UBE3D: variants seen among roughly 807,000 people sequenced by gnomAD.
UBE3D encodes the protein ubiquitin protein ligase E3D.
A neutral mutation model predicts 49.6 loss-of-function variants in UBE3D; 48 were observed. The observed-to-expected ratio is 0.97, with a 90% CI of 0.77 to 1.23. The LOEUF (loss-of-function observed/expected upper bound fraction) is 1.23, where lower values mean the gene tolerates loss of function less well. UBE3D is among the 50% of genes most tolerant of loss of function. The pLI is 0.00. For missense variants in UBE3D, 452 were observed against 468.4 expected (o/e 0.96, Z 0.32); for synonymous variants, 189 against 174.2 (o/e 1.08, Z -0.67).
rs966962155 is a variant in UBE3D, at chr6:83,065,827, G to T, written c.-109C>A. 2.6e-6 allele frequency: 3 copies of T among 1,159,490 alleles called. No individual in the cohort carries two copies. Among genetic ancestry groups the T allele is most frequent in the African/African-American group, 3.1e-5 (2 of 64,684 alleles). 71.8% of individuals were successfully genotyped at this position (1,159,490 alleles called of 1,614,324 possible). On this transcript the variant is annotated 5_prime_UTR_variant, in exon 1 of 10. Coordinates refer to ENST00000369747, the MANE Select transcript of UBE3D (RefSeq NM_198920.3). ...GACCAACCAGCGGCAGCCCCGCTGC[G>T]GCGCAGGCGCCTGTGCCAGATCGCA...
intron 9 of UBE3D, among the ~76,000 whole-genome samples, chr6:82,922,250 T>C (rs568482578): frequency 6.6e-6 from 1 of 152,132 alleles, no homozygotes; most frequent in Non-Finnish European, 1.5e-5. Context: ...TTTAAAGACA[T>C]CGAATCAGCA....
chr6:83,065,594 G>A (rs1355019373), intron 1 of UBE3D, 48 bp downstream of exon 1: 1 of 1,583,736 alleles, frequency 6.3e-7, no homozygotes, highest in Non-Finnish European at 8.7e-7. Context: ...CGACCCCCGG[G>A]CAGCAGTAAA....
downstream of UBE3D, among the ~76,000 whole-genome samples, chr6:82,887,618 A>G (rs569289516): frequency 2.6e-5 from 4 of 151,730 alleles, no homozygotes; most frequent in Non-Finnish European, 5.9e-5. Flanking sequence ...CTGAGGCAAG[A>G]GAATCACTTG....
chr6:83,053,165 T>C (rs112545908), intron 3 of UBE3D, among the ~76,000 whole-genome samples: 108 of 152,408 alleles, frequency 7.1e-4, no homozygotes, highest in African/African-American at 2.4e-3. Flanking sequence ...TTGTTAGTGT[T>C]AGTGTATTTT....
intron 9 of UBE3D, among the ~76,000 whole-genome samples, chr6:82,920,421 C>T (rs1562084169): frequency 6.6e-6 from 1 of 152,120 alleles, no homozygotes; most frequent in Non-Finnish European, 1.5e-5. Context: ...TATAATAGCA[C>T]CATTTAAATA....
In UBE3D at chr6:82,966,662, A is replaced by C. The variant is rs1283423051; in HGVS notation, c.1011-9212T>G. ...GAGACTCCGTCTCAAAAAAAAAAAA[A>C]AAAAAAAAAAACCACTGAATTGTAC... On this transcript the variant is annotated intron_variant, in intron 8 of 9. Transcript: ENST00000369747. Among the ~76,000 whole-genome samples the C allele has an allele frequency of 8.4e-5, 6 of 71,452 alleles. 2 individuals are homozygous for C. The East Asian group carries it at 1.1e-3, about 14-fold the overall frequency. The allele number at this position is 71,452 out of a possible 152,430, so 46.9% of individuals were successfully genotyped here.
At chr6:82,982,545 AG>A (rs532677005) in intron 8 of UBE3D, among the ~76,000 whole-genome samples, 68 of 152,300 alleles carry the variant, frequency 4.5e-4, no homozygotes, top group African/African-American at 1.5e-3. Flanking sequence ...GGATTTTGCC[AG>A]TTGCAACATT....
chr6:83,031,725 C>A (rs1781883997), intron 5 of UBE3D, among the ~76,000 whole-genome samples: 1 of 152,220 alleles, frequency 6.6e-6, no homozygotes. Flanking sequence ...TTTGCAGCAG[C>A]CCCTCCCATC....
Position 83,019,132 on chromosome 6 carries a change from C to T in UBE3D, c.851G>A (p.Trp284Ter). The T allele has an allele frequency of 6.2e-7, 1 of 1,612,166 alleles. No individual in the cohort carries two copies. Among genetic ancestry groups the T allele is most frequent in the Non-Finnish European group, 8.5e-7 (1 of 1,179,280 alleles). The change falls in exon 8 of 10, where the codon TGG becomes TAG. Residue 284 changes from tryptophan (W) to a stop codon, truncating the protein, a stop_gained. Coordinates refer to ENST00000369747, the MANE Select transcript of UBE3D (RefSeq NM_198920.3). LOFTEE classifies it high-confidence loss of function. ...CACCAAACTGTCTGAATTTAAAAGCCATAGCTAAAGATGTGAAGAGAAAGT... is the reference window on the plus strand; with the variant it reads ...CACCAAACTGTCTGAATTTAAAAGCTATAGCTAAAGATGTGAAGAGAAAGT... Reference protein sequence around the residue: ...GQDDKVYILLWLLNSDSLVIE... With the variant: ...GQDDKVYILL
intron 2 of UBE3D, among the ~76,000 whole-genome samples, chr6:83,057,337 A>G (rs1783877047): frequency 6.6e-6 from 1 of 151,926 alleles, no homozygotes; most frequent in South Asian, 2.1e-4. Flanking sequence ...ATCTGCTCCC[A>G]CCAATTAGAA....
intron 8 of UBE3D, among the ~76,000 whole-genome samples, chr6:82,957,759 C>T (rs938022824): frequency 4.6e-5 from 7 of 152,162 alleles, no homozygotes; most frequent in Non-Finnish European, 8.8e-5. Context: ...GGCTAACACA[C>T]TGAATGCTTC....
chr6:83,039,248 G>A (rs1445040062), intron 4 of UBE3D, among the ~76,000 whole-genome samples: 1 of 152,212 alleles, frequency 6.6e-6, no homozygotes, highest in African/African-American at 2.4e-5. Context: ...GGGAAAAGGA[G>A]GTTCTACAAC....
At chr6:83,064,063 A>G (rs1784344120) in intron 1 of UBE3D, among the ~76,000 whole-genome samples, 1 of 152,230 alleles carries the variant, frequency 6.6e-6, no homozygotes, top group Admixed American at 6.5e-5. Flanking sequence ...AAAGGAATGG[A>G]CTACTGATAT....
chr6:83,001,884 GCGTATCA>G (rs1389480437), intron 8 of UBE3D, among the ~76,000 whole-genome samples: 27 of 152,120 alleles, frequency 1.8e-4, no homozygotes, highest in African/African-American at 5.8e-4. Context: ...CTGGTGAAAC[GCGTATCA>G]CAGAGATTCT....
At position 83,019,360 on chromosome 6, in the gene UBE3D, T is replaced by C. The variant is rs112815217; in HGVS notation, c.847-224A>G. 4.2e-3 allele frequency among the ~76,000 whole-genome samples: 621 copies of C among 147,398 alleles called. 8 individuals are homozygous for C. Among genetic ancestry groups the C allele is most frequent in the African/African-American group, 0.014 (556 of 40,526 alleles). ...AAAGACAACTGACTCGGAGAAAATATGCATAAGTAACAAAGTTATTATCCA... is the reference window on the plus strand; with the variant it reads ...AAAGACAACTGACTCGGAGAAAATACGCATAAGTAACAAAGTTATTATCCA... On this transcript the variant is annotated intron_variant, in intron 7 of 9. Transcript: ENST00000369747.
At chr6:83,043,212 T>C (rs1223458957) in intron 4 of UBE3D, among the ~76,000 whole-genome samples, 1 of 152,214 alleles carries the variant, frequency 6.6e-6, no homozygotes, top group Non-Finnish European at 1.5e-5. Context: ...AAGGGAAACA[T>C]GGTTTCTCTG....
intron 8 of UBE3D, among the ~76,000 whole-genome samples, chr6:82,991,166 C>T (rs947926364): frequency 7.2e-5 from 11 of 152,158 alleles, no homozygotes; most frequent in Admixed American, 6.5e-4. Context: ...AGGAAGAATC[C>T]ACTGTGCCTT....
chr6:83,013,788 C>A (rs1460441206), intron 8 of UBE3D, among the ~76,000 whole-genome samples: 1 of 151,596 alleles, frequency 6.6e-6, no homozygotes, highest in East Asian at 1.9e-4. Context: ...CTCTGGCAGG[C>A]AAATCTCTCA....
chr6:82,969,376 G>A (rs1777181650), intron 8 of UBE3D, among the ~76,000 whole-genome samples: 1 of 152,120 alleles, frequency 6.6e-6, no homozygotes, highest in Non-Finnish European at 1.5e-5. Context: ...AGAGGCCGAG[G>A]TGGGTGGATT....
Sources: gnomAD v4.1 joint callset for allele counts (sites outside exome capture counted in the v4.1 genomes callset) on GRCh38, gnomAD v4.1.1 for gene constraint, MANE v1.5 for transcripts, NCBI Gene and HGNC (gene_info 2026-07-23, HGNC 2026-07-21) for gene names.